CIMIP7: variants seen among roughly 807,000 people sequenced by gnomAD.
CIMIP7 encodes the protein ciliary microtubule inner protein 7, also known as uncharacterized protein C3orf84.
chr3:49,181,151 G>C, the CIMIP7 span, among the ~76,000 whole-genome samples: 3 of 151,812 alleles, frequency 2.0e-5, no homozygotes, highest in African/African-American at 7.2e-5. Context: ...AGACCAGCCT[G>C]GCCAACATGG....
the CIMIP7 span, among the ~76,000 whole-genome samples, chr3:49,188,378 G>A: frequency 6.6e-6 from 1 of 152,160 alleles, no homozygotes; most frequent in South Asian, 2.1e-4. Context: ...GTCCCTCTGG[G>A]CCTTTCTTCT....
At chr3:49,178,440 G>T in the CIMIP7 span, 2 of 1,587,550 alleles carry the variant, frequency 1.3e-6, no homozygotes, top group Non-Finnish European at 1.7e-6. Context: ...TTCAGCTTAG[G>T]CTGGGGGACT....
At chr3:49,177,904 G>A in the CIMIP7 span, 2 of 1,613,898 alleles carry the variant, frequency 1.2e-6, no homozygotes, top group South Asian at 2.2e-5. Flanking sequence ...TCCTGGGCCT[G>A]GCCTGAAATC....
At chr3:49,185,969 G>A in the CIMIP7 span, among the ~76,000 whole-genome samples, 1 of 149,112 alleles carries the variant, frequency 6.7e-6, no homozygotes, top group Non-Finnish European at 1.5e-5. Flanking sequence ...ATGGGCGTGA[G>A]TCACCGCGCC....
At chr3:49,181,429 T>C in the CIMIP7 span, among the ~76,000 whole-genome samples, 5 of 151,066 alleles carry the variant, frequency 3.3e-5, no homozygotes, top group African/African-American at 1.2e-4. Flanking sequence ...GGAGGAAAGA[T>C]TGCTTGAGCC....
chr3:49,185,290 C>G, the CIMIP7 span, among the ~76,000 whole-genome samples: 2 of 150,734 alleles, frequency 1.3e-5, no homozygotes, highest in South Asian at 2.1e-4. Context: ...ATAGACCAAG[C>G]AGGGTGGCTC....
chr3:49,180,060 G>A, the CIMIP7 span, among the ~76,000 whole-genome samples: 1 of 152,262 alleles, frequency 6.6e-6, no homozygotes, highest in East Asian at 1.9e-4. Context: ...ATCACTTGAG[G>A]TCAGGAGTTC....
At chr3:49,191,625 G>A in the CIMIP7 span, 1 of 1,112,464 alleles carries the variant, frequency 9.0e-7, no homozygotes, top group Non-Finnish European at 1.4e-6. Context: ...GGGCGGCTCA[G>A]GGTCCTATTC....
the CIMIP7 span, among the ~76,000 whole-genome samples, chr3:49,186,440 G>A: frequency 7.6e-6 from 1 of 131,190 alleles, no homozygotes; most frequent in Admixed American, 8.5e-5. Flanking sequence ...GTCTCAGTCT[G>A]TCGCCCAGGC....
chr3:49,184,992 AG>A, the CIMIP7 span, among the ~76,000 whole-genome samples: 1 of 150,946 alleles, frequency 6.6e-6, no homozygotes, highest in South Asian at 2.2e-4. Flanking sequence ...AATGGGGGCC[AG>A]GCGCAGTGGC....
At chr3:49,183,911 A>G in the CIMIP7 span, among the ~76,000 whole-genome samples, 1 of 152,240 alleles carries the variant, frequency 6.6e-6, no homozygotes, top group Admixed American at 6.5e-5. Context: ...TAAATGAACT[A>G]TTGATACACA....
the CIMIP7 span, among the ~76,000 whole-genome samples, chr3:49,185,841 C>T: frequency 2.0e-5 from 3 of 151,466 alleles, no homozygotes; most frequent in Non-Finnish European, 4.4e-5. Context: ...CAGGTGCCAG[C>T]CACCACTCCC....
chr3:49,180,806 T>G, the CIMIP7 span, among the ~76,000 whole-genome samples: 9 of 151,600 alleles, frequency 5.9e-5, no homozygotes, highest in African/African-American at 2.2e-4. Flanking sequence ...GGCGGGCGCC[T>G]GTAGTCCCAG....
At chr3:49,191,416 C>T in the CIMIP7 span, among the ~76,000 whole-genome samples, 10 of 152,176 alleles carry the variant, frequency 6.6e-5, no homozygotes. Context: ...AATCTTTGCC[C>T]TCAAAATGTT....
chr3:49,190,156 T>C, the CIMIP7 span: 5 of 1,565,216 alleles, frequency 3.2e-6, no homozygotes, highest in Non-Finnish European at 3.5e-6. Context: ...AAGACAGGAA[T>C]GAGGATAAAA....
chr3:49,177,859 A>G, the CIMIP7 span: 6 of 1,613,676 alleles, frequency 3.7e-6, no homozygotes, highest in South Asian at 1.1e-5. Flanking sequence ...CTGGACCTGC[A>G]CAAAGTGGAT....
chr3:49,188,409 G>C, the CIMIP7 span, among the ~76,000 whole-genome samples: 2 of 152,146 alleles, frequency 1.3e-5, no homozygotes, highest in African/African-American at 4.8e-5. Flanking sequence ...TGCTCCGGAG[G>C]CTGACCTGAC....
chr3:49,187,129 A>G, the CIMIP7 span, among the ~76,000 whole-genome samples: 230 of 152,324 alleles, frequency 1.5e-3, 1 homozygote, highest in South Asian at 3.5e-3. Flanking sequence ...TTGACGCCCA[A>G]TGAGTTTTGT....
At chr3:49,183,358 T>C in the CIMIP7 span, among the ~76,000 whole-genome samples, 5 of 152,146 alleles carry the variant, frequency 3.3e-5, no homozygotes, top group Non-Finnish European at 7.3e-5. Flanking sequence ...GTAAAGCCAC[T>C]CTCAAAAACA....
Sources: allele counts gnomAD v4.1 joint callset (sites outside exome capture counted in the v4.1 genomes callset), GRCh38; gene constraint gnomAD v4.1.1; transcripts MANE v1.5; gene names NCBI Gene and HGNC (gene_info 2026-07-23, HGNC 2026-07-21).